Variants in SGCZ observed in about 807,000 individuals in gnomAD.
SGCZ encodes the protein zeta-sarcoglycan.
SGCZ carries 40 observed loss-of-function variants against 41.3 expected under a neutral mutation model. The ratio of observed to expected loss-of-function variants is 0.97; its 90% CI spans 0.75 to 1.26. The LOEUF is 1.26. Ranked by LOEUF, SGCZ falls within the 50% of genes most tolerant of loss-of-function variation. The probability of loss-of-function intolerance (pLI) is 0.00; values close to 1 mark genes in which losing one functional copy is unlikely to be tolerated. For missense variants in SGCZ, 552 were observed against 369.8 expected (o/e 1.49, Z -4.04); for synonymous variants, 206 against 137.5 (o/e 1.50, Z -3.49).
intron 2 of SGCZ, among the ~76,000 whole-genome samples, chr8:14,461,414 C>A (rs958171007): frequency 6.6e-6 from 1 of 152,076 alleles, no homozygotes; most frequent in East Asian, 1.9e-4. Context: ...TGTGTAATTT[C>A]TTTCACAGTT....
intron 1 of SGCZ, among the ~76,000 whole-genome samples, chr8:14,735,311 G>C (rs1798993896): frequency 6.6e-6 from 1 of 152,148 alleles, no homozygotes; most frequent in Non-Finnish European, 1.5e-5. Flanking sequence ...CAGTGGACTA[G>C]GAGAAGAAGA....
intron 1 of SGCZ, among the ~76,000 whole-genome samples, chr8:15,119,320 C>G (rs2116946752): frequency 6.6e-6 from 1 of 152,162 alleles, no homozygotes; most frequent in South Asian, 2.1e-4. Flanking sequence ...CACTTGAGCT[C>G]AGCAATTTGA....
intron 4 of SGCZ, among the ~76,000 whole-genome samples, chr8:14,195,318 GA>G (rs1199526514): frequency 6.6e-6 from 1 of 152,056 alleles, no homozygotes; most frequent in Non-Finnish European, 1.5e-5. Flanking sequence ...GTTGACAGCA[GA>G]TTAGACATTA....
chr8:15,136,067 T>C (rs1563144487), intron 1 of SGCZ, among the ~76,000 whole-genome samples: 1 of 152,080 alleles, frequency 6.6e-6, no homozygotes, highest in African/African-American at 2.4e-5. Context: ...TAAACTGACA[T>C]AGGACACTGG....
chr8:14,580,532 ACAAAC>A (rs972145702), intron 1 of SGCZ, among the ~76,000 whole-genome samples: 2 of 152,226 alleles, frequency 1.3e-5, no homozygotes, highest in African/African-American at 2.4e-5. Flanking sequence ...ATAAATATAA[ACAAAC>A]CAACAAACAA....
intron 1 of SGCZ, among the ~76,000 whole-genome samples, chr8:14,823,315 T>C (rs1472909536): frequency 6.6e-6 from 1 of 151,862 alleles, no homozygotes; most frequent in East Asian, 1.9e-4. Flanking sequence ...CAGAAGAAAA[T>C]ATTTGCAAAC....
intron 1 of SGCZ, among the ~76,000 whole-genome samples, chr8:14,757,465 C>T (rs1018376796): frequency 6.6e-6 from 1 of 152,178 alleles, no homozygotes; most frequent in Non-Finnish European, 1.5e-5. Context: ...ACTACCGATG[C>T]CTCTTTGTCC....
chr8:15,151,523 T>C (rs368837592), intron 1 of SGCZ, among the ~76,000 whole-genome samples: 1 of 152,166 alleles, frequency 6.6e-6, no homozygotes, highest in African/African-American at 2.4e-5. Flanking sequence ...AAGGCCTAAA[T>C]AGGACTTCTT....
intron 1 of SGCZ, among the ~76,000 whole-genome samples, chr8:15,135,224 C>T (rs1808061150): frequency 6.6e-6 from 1 of 152,090 alleles, no homozygotes; most frequent in Non-Finnish European, 1.5e-5. Flanking sequence ...CAATGTATTC[C>T]CCTAAAGGCA....
At chr8:14,851,074 A>C (rs566645926) in intron 1 of SGCZ, among the ~76,000 whole-genome samples, 1 of 152,302 alleles carries the variant, frequency 6.6e-6, no homozygotes, top group South Asian at 2.1e-4. Context: ...AAAGCTTTTA[A>C]AGAATGTATT....
chr8:14,323,796 C>T (rs1450528703), intron 3 of SGCZ, among the ~76,000 whole-genome samples: 1 of 151,976 alleles, frequency 6.6e-6, no homozygotes, highest in Non-Finnish European at 1.5e-5. Flanking sequence ...CAAGACATAT[C>T]AAATGCCCCC....
chr8:14,938,415 G>A (rs912528333), intron 1 of SGCZ, among the ~76,000 whole-genome samples: 1 of 152,190 alleles, frequency 6.6e-6, no homozygotes, highest in Middle Eastern at 3.4e-3. Context: ...ATGTGAAAAT[G>A]ATGAAGATGA....
At chr8:14,737,384 A>G (rs1799069618) in intron 1 of SGCZ, among the ~76,000 whole-genome samples, 1 of 151,962 alleles carries the variant, frequency 6.6e-6, no homozygotes, top group Non-Finnish European at 1.5e-5. Context: ...CCCATTTTTG[A>G]TTGAAATCTA....
At chr8:14,641,677 G>A (rs1373768146) in intron 1 of SGCZ, among the ~76,000 whole-genome samples, 1 of 151,548 alleles carries the variant, frequency 6.6e-6, no homozygotes, top group Non-Finnish European at 1.5e-5. Context: ...ATGATTTTCT[G>A]TTGTTCCCTG....
intron 1 of SGCZ, among the ~76,000 whole-genome samples, chr8:15,171,344 A>G (rs1799823321): frequency 6.6e-6 from 1 of 152,230 alleles, no homozygotes; most frequent in African/African-American, 2.4e-5. Flanking sequence ...CTCATGCTTG[A>G]GTAGCTGGAA....
At chr8:14,611,345 TGA>T (rs1192731762) in intron 1 of SGCZ, among the ~76,000 whole-genome samples, 2 of 144,686 alleles carry the variant, frequency 1.4e-5, no homozygotes, top group African/African-American at 2.5e-5. Flanking sequence ...TGTGTGTGTG[TGA>T]ATGTATGAAA....
At position 14,145,424 on chromosome 8, in the gene SGCZ, C is replaced by T. The variant is rs901993823; in HGVS notation, c.547+19156G>A. Reference sequence around the variant, plus strand: ...ATAGCAGATACAGGTTAGATCACAACACCCAAGTCCTTTCAAATACCCGAA... The same window carrying T: ...ATAGCAGATACAGGTTAGATCACAATACCCAAGTCCTTTCAAATACCCGAA... On this transcript the variant is annotated intron_variant, in intron 5 of 7. Transcript: ENST00000382080. Among the ~76,000 whole-genome samples the T allele has an allele frequency of 5.9e-5, 9 of 152,152 alleles. No homozygotes were observed. The South Asian group carries it at 1.2e-3, about 21-fold the overall frequency.
At chr8:14,245,891 C>A (rs1266581135) in intron 3 of SGCZ, among the ~76,000 whole-genome samples, 20 of 152,154 alleles carry the variant, frequency 1.3e-4, no homozygotes, top group South Asian at 2.1e-4. Flanking sequence ...TCAAAACCAC[C>A]ATGAGATACC....
intron 1 of SGCZ, among the ~76,000 whole-genome samples, chr8:14,599,603 G>C (rs1393172142): frequency 6.6e-6 from 1 of 152,034 alleles, no homozygotes; most frequent in Non-Finnish European, 1.5e-5. Context: ...AACTGAATAA[G>C]GCTGGAAAAT....
Sources: allele counts gnomAD v4.1 joint callset (sites outside exome capture counted in the v4.1 genomes callset), GRCh38; gene constraint gnomAD v4.1.1; transcripts MANE v1.5; gene names NCBI Gene and HGNC (gene_info 2026-07-23, HGNC 2026-07-21).